The following MME variants were observed in gnomAD, a reference collection of about 807,000 sequenced individuals.
MME encodes neprilysin.
In MME, 98 loss-of-function variants were observed where a neutral mutation model predicts 113.2. That is an observed-to-expected ratio of 0.87 (90% CI 0.74 to 1.02). The LOEUF is 1.02. Ranked by LOEUF, MME falls within the 50% of genes least tolerant of loss-of-function variation. MME has a pLI of 0.00. For missense variants in MME, 836 were observed against 896.0 expected, an observed-to-expected ratio of 0.93 and a Z score of 0.86; for synonymous variants, 292 against 300.6, an observed-to-expected ratio of 0.97 and a Z score of 0.30.
chr3:155,075,639 G>C (rs1385793557), upstream of MME, among the ~76,000 whole-genome samples: 3 of 152,068 alleles, frequency 2.0e-5, no homozygotes, highest in Non-Finnish European at 4.4e-5. Flanking sequence ...AAAGTCTAAA[G>C]TATATAATTA....
intron 15 of MME, 41 bp from the exon 16 acceptor site, chr3:155,148,509 C>A (rs1198919774): frequency 2.2e-6 from 3 of 1,338,640 alleles, no homozygotes; most frequent in Non-Finnish European, 3.2e-6. Flanking sequence ...TTAGAAGATA[C>A]CGGTTTTAAT....
chr3:155,095,885 C>A (rs530930639), intron 3 of MME, among the ~76,000 whole-genome samples: 2 of 152,304 alleles, frequency 1.3e-5, no homozygotes, highest in East Asian at 3.9e-4. Context: ...GAGAGAGGAG[C>A]ACCTAAACCA....
intron 3 of MME, among the ~76,000 whole-genome samples, chr3:155,090,962 C>A (rs1401034350): frequency 6.6e-6 from 1 of 152,328 alleles, no homozygotes; most frequent in Admixed American, 6.5e-5. Flanking sequence ...ACCTTGAAAC[C>A]TCCATGAAGG....
At chr3:155,084,422 TAGAG>T in intron 2 of MME, 95 bp downstream of exon 2, 2 of 1,250,376 alleles carry the variant, frequency 1.6e-6, no homozygotes, top group Non-Finnish European at 2.3e-6. Flanking sequence ...GTGTTAAGGA[TAGAG>T]GCACTTAAAG....
rs150717280 is a variant in MME at position 155,150,311 on chromosome 3, T to C, written c.1601+1658T>C. On this transcript the variant is annotated intron_variant, in intron 16 of 22. Transcript: ENST00000360490. ...AATCATTTTGTCATATAATTTACAC[T>C]GTTCATTCCCTTTCATCATATGGGC... is the stretch of plus-strand genomic sequence containing the variant. 3.9e-5 allele frequency among the ~76,000 whole-genome samples: 6 copies of C among 152,330 alleles called. No individual in the cohort carries two copies. In the East Asian group the frequency reaches 1.2e-3, roughly 29 times the overall value.
intron 7 of MME, 79 bp from the exon 8 acceptor site, chr3:155,118,667 T>C: frequency 2.2e-6 from 2 of 916,930 alleles, no homozygotes; most frequent in Non-Finnish European, 3.5e-6. Context: ...TTCACATACA[T>C]AGATAGACAT....
At chr3:155,085,292 A>G (rs1715583806) in intron 3 of MME, 198 bp downstream of exon 3, 2 of 469,068 alleles carry the variant, frequency 4.3e-6, no homozygotes, top group Non-Finnish European at 3.8e-6. Context: ...AAAATATATT[A>G]CTATTTTCAG....
chr3:155,100,675 T>C (rs1717128877), intron 3 of MME, among the ~76,000 whole-genome samples: 1 of 152,130 alleles, frequency 6.6e-6, no homozygotes, highest in Admixed American at 6.6e-5. Context: ...ACCTTGAAAG[T>C]CACCTTAAAG....
intron 22 of MME, among the ~76,000 whole-genome samples, chr3:155,174,195 T>C (rs2108378967): frequency 6.6e-6 from 1 of 152,272 alleles, no homozygotes; most frequent in South Asian, 2.1e-4. Flanking sequence ...AACTGTTTTC[T>C]AGCTCCAATT....
intron 3 of MME, among the ~76,000 whole-genome samples, chr3:155,113,990 T>A (rs1718395800): frequency 6.6e-6 from 1 of 152,144 alleles, no homozygotes; most frequent in African/African-American, 2.4e-5. Context: ...GGAAACCATG[T>A]TTACCATACC....
chr3:155,073,525 A>G (rs1262363433), intron 1 of MME, among the ~76,000 whole-genome samples: 1 of 152,218 alleles, frequency 6.6e-6, no homozygotes, highest in Non-Finnish European at 1.5e-5. Flanking sequence ...GGGTAATAAT[A>G]AAACACAATG....
chr3:155,124,731 G>T (rs866229956), intron 8 of MME, among the ~76,000 whole-genome samples: 2 of 151,632 alleles, frequency 1.3e-5, no homozygotes, highest in Admixed American at 1.3e-4. Context: ...TAGGCTGCTC[G>T]GGGGTCAGGG....
intron 1 of MME, among the ~76,000 whole-genome samples, chr3:155,034,143 A>T (rs1046244587): frequency 2.0e-5 from 3 of 152,152 alleles, no homozygotes; most frequent in African/African-American, 7.2e-5. Context: ...AGTTTTGAAG[A>T]CCTGATCTGT....
Position 155,172,130 on chromosome 3 carries a change from A to T in MME, c.1994A>T (p.Tyr665Phe), listed in dbSNP as rs760938817. The T allele has an allele frequency of 9.4e-6, 15 of 1,596,844 alleles. No homozygotes were observed. In the South Asian group the frequency reaches 1.3e-4, roughly 14 times the overall value. Reference sequence around the variant, plus strand: ...TCAACTGCCTAGGCCTATCAGAATTATATTAAAAAGAATGGCGAAGAAAAA... The same window carrying T: ...TCAACTGCCTAGGCCTATCAGAATTTTATTAAAAAGAATGGCGAAGAAAAA... Reference protein sequence around the residue: ...LGQAYRAYQNYIKKNGEEKLL... With the variant: ...LGQAYRAYQNFIKKNGEEKLL... The change falls in exon 21 of 23, where the codon TAT (tyrosine) becomes TTT (phenylalanine). Residue 665 changes from tyrosine (Y) to phenylalanine (F), a missense_variant. Tyr to Phe is a conservative substitution (Grantham distance 22). Transcript: ENST00000360490.
intron 1 of MME, among the ~76,000 whole-genome samples, chr3:155,041,136 T>G (rs780481171): frequency 9.9e-5 from 15 of 152,184 alleles, no homozygotes; most frequent in Non-Finnish European, 1.9e-4. Context: ...GTAAGTCTGT[T>G]GATTTGATCC....
chr3:155,073,864 G>A (rs1050533392), intron 1 of MME, among the ~76,000 whole-genome samples: 3 of 151,746 alleles, frequency 2.0e-5, no homozygotes, highest in Admixed American at 6.6e-5. Flanking sequence ...TTGTAAAAAC[G>A]CAATTAATTT....
At chr3:155,063,523 ATT>A (rs1559896875) in intron 1 of MME, among the ~76,000 whole-genome samples, 1 of 111,760 alleles carries the variant, frequency 8.9e-6, no homozygotes, top group African/African-American at 4.0e-5. Flanking sequence ...AAATATATAT[ATT>A]AAAAATATAT....
intron 16 of MME, among the ~76,000 whole-genome samples, chr3:155,151,051 G>A (rs2108330609): frequency 6.6e-6 from 1 of 152,132 alleles, no homozygotes; most frequent in South Asian, 2.1e-4. Flanking sequence ...GTCCAGCCTG[G>A]GCGACAGAGC....
At chr3:155,109,764 G>A (rs1380333560) in intron 3 of MME, among the ~76,000 whole-genome samples, 2 of 152,174 alleles carry the variant, frequency 1.3e-5, no homozygotes, top group Non-Finnish European at 2.9e-5. Context: ...GTGTCTAAAA[G>A]GCTTCTCAGA....
Sources: allele counts gnomAD v4.1 joint callset (sites outside exome capture counted in the v4.1 genomes callset), GRCh38; gene constraint gnomAD v4.1.1; transcripts MANE v1.5; gene names NCBI Gene and HGNC (gene_info 2026-07-23, HGNC 2026-07-21).